The following PCDHA5 variants were observed in gnomAD, a reference collection of about 807,000 sequenced individuals.
The protein encoded by PCDHA5 is protocadherin alpha-5.
Under a neutral mutation model 61.6 loss-of-function variants are expected in PCDHA5, and 43 were observed. The observed-to-expected ratio is 0.70, with a 90% confidence interval of 0.55 to 0.90. The LOEUF (loss-of-function observed/expected upper bound fraction) is 0.90, where lower values mean the gene tolerates loss of function less well. Among genes scored for constraint, PCDHA5 ranks in the 40% least tolerant of loss-of-function variants. The pLI is 0.00. For missense variants in PCDHA5, 1,298 were observed against 1,222.7 expected (o/e 1.06, Z -0.92); for synonymous variants, 627 against 543.9 (o/e 1.15, Z -2.13).
intron 1 of PCDHA5, chr5:140,849,308 A>C (rs1224094157): frequency 7.7e-7 from 1 of 1,299,604 alleles, no homozygotes; most frequent in Admixed American, 2.3e-5. Flanking sequence ...ATTTAGACGA[A>C]GGCTTGAATG....
intron 1 of PCDHA5, among the ~76,000 whole-genome samples, chr5:140,976,583 G>A (rs1360171256): frequency 8.6e-5 from 13 of 151,966 alleles, no homozygotes; most frequent in African/African-American, 3.1e-4. Flanking sequence ...ATAAAACACA[G>A]ACTTTTGTGT....
chr5:140,925,397 C>T (rs2082477792), intron 1 of PCDHA5, among the ~76,000 whole-genome samples: 1 of 152,048 alleles, frequency 6.6e-6, no homozygotes, highest in African/African-American at 2.4e-5. Flanking sequence ...TTTGGCTCGC[C>T]TCCTTCTTAG....
chr5:140,824,633 A>G (rs12660016), intron 1 of PCDHA5: 1 of 102,008 alleles, frequency 9.8e-6, no homozygotes, highest in Non-Finnish European at 1.9e-5. Context: ...TTTTTTTTTT[A>G]TTTTCTGTAG....
Position 140,932,248 on chromosome 5 carries a change from T to C in PCDHA5, c.2353-46701T>C, listed in dbSNP as rs1424091954. Among the ~76,000 whole-genome samples the C allele has an allele frequency of 2.6e-5, 4 of 152,016 alleles. No individual in the cohort carries two copies. In the East Asian group the frequency reaches 7.7e-4, roughly 29 times the overall value. On this transcript the variant is annotated intron_variant, in intron 1 of 3. Coordinates refer to ENST00000529859, the MANE Select transcript of PCDHA5 (RefSeq NM_018908.3). ...TTTTTTAGAATGGTATCTAAGAGGG[T>C]ACCTCTGAGATATAAATTTCTACTT... is the stretch of plus-strand genomic sequence containing the variant.
At chr5:140,872,840 A>G (rs1297929350) in intron 1 of PCDHA5, among the ~76,000 whole-genome samples, 4 of 152,198 alleles carry the variant, frequency 2.6e-5, no homozygotes, top group African/African-American at 9.6e-5. Context: ...AAAAAATTAA[A>G]TATATTAATG....
intron 3 of PCDHA5, among the ~76,000 whole-genome samples, chr5:141,009,094 C>A (rs1350235475): frequency 6.6e-6 from 1 of 152,176 alleles, no homozygotes; most frequent in Non-Finnish European, 1.5e-5. Context: ...AAGAACCAAA[C>A]ATATGTTACT....
chr5:140,885,592 G>A (rs1428219345), intron 1 of PCDHA5, among the ~76,000 whole-genome samples: 1 of 152,102 alleles, frequency 6.6e-6, no homozygotes, highest in Non-Finnish European at 1.5e-5. Context: ...ATGCATCAAA[G>A]ATATTAATAA....
At chr5:140,976,586 T>C (rs1029704575) in intron 1 of PCDHA5, among the ~76,000 whole-genome samples, 2 of 151,988 alleles carry the variant, frequency 1.3e-5, no homozygotes, top group Non-Finnish European at 2.9e-5. Flanking sequence ...AAACACAGAC[T>C]TTTGTGTTAA....
chr5:140,927,601 G>C lies in PCDHA5; in HGVS notation c.2353-51348G>C, dbSNP rs1490799029. 27 of 1,614,082 alleles carry C rather than the reference G, an allele frequency of 1.7e-5. No individual in the cohort carries two copies. Among genetic ancestry groups the C allele is most frequent in the Non-Finnish European group, 2.3e-5 (27 of 1,180,040 alleles). Reference sequence around the variant, plus strand: ...CAACGCGCCTGTATTTGAGCGCTCCGTATACCGCACCAAGGTTCCAGAGAC... The same window carrying C: ...CAACGCGCCTGTATTTGAGCGCTCCCTATACCGCACCAAGGTTCCAGAGAC... On this transcript the variant is annotated intron_variant, in intron 1 of 3. Transcript: ENST00000529859.
At chr5:140,875,251 A>T in intron 1 of PCDHA5, 1 of 1,029,376 alleles carries the variant, frequency 9.7e-7, no homozygotes. Context: ...ATAATCAGTC[A>T]CATGATGTCG....
At chr5:140,929,481 A>G (rs1192778322) in intron 1 of PCDHA5, 4 of 1,195,836 alleles carry the variant, frequency 3.3e-6, no homozygotes, top group Non-Finnish European at 4.5e-6. Flanking sequence ...GGAAGTATAG[A>G]AGTATTAGAA....
At chr5:140,843,912 C>T in intron 1 of PCDHA5, 1 of 634,402 alleles carries the variant, frequency 1.6e-6, no homozygotes, top group East Asian at 2.9e-5. Flanking sequence ...CAAGTTGGGT[C>T]TATCTTGAAA....
rs2150123679 is a variant in PCDHA5 at position 140,823,222 on chromosome 5, G to A, written c.1447G>A (p.Ala483Thr). ...CACGGTGTCTGCACGGGACGCGGAC[G>A]CGCAGGAGAACGCCCTGGTGTCCTA... ...IFTVSARDAD[A>T]QENALVSYSL... Residue 483 changes from alanine to threonine, a missense_variant, in exon 1 of 4, where the codon GCG (alanine) becomes ACG (threonine). Physicochemically the swap from Ala to Thr is moderately conservative, Grantham distance 58. Coordinates refer to ENST00000529859, the MANE Select transcript of PCDHA5 (RefSeq NM_018908.3). The A allele has an allele frequency of 1.7e-4, 270 of 1,613,614 alleles. No homozygotes were observed. Among genetic ancestry groups the A allele is most frequent in the Non-Finnish European group, 2.1e-4 (251 of 1,179,816 alleles).
At chr5:140,999,933 A>T (rs1554257043) in intron 3 of PCDHA5, among the ~76,000 whole-genome samples, 1 of 152,124 alleles carries the variant, frequency 6.6e-6, no homozygotes, top group African/African-American at 2.4e-5. Context: ...AGCTCAACTC[A>T]TTCCACCCAA....
At chr5:140,966,962 G>T (rs370831122) in intron 1 of PCDHA5, 4 of 1,602,632 alleles carry the variant, frequency 2.5e-6, no homozygotes, top group Non-Finnish European at 3.4e-6. Context: ...TCGCGCGCTG[G>T]GGCTTGAGCT....
rs1554262627 is a variant in PCDHA5 at position 141,009,982 on chromosome 5, T to C, written c.*45T>C. On this transcript the variant is annotated 3_prime_UTR_variant, in exon 4 of 4. Transcript: ENST00000529859. ...GCCACTTAGCCAGTTTTTGTAATAA[T>C]GGCAAATCTCTCCCATGTAGCAATT... 1 of 1,582,572 alleles carries C rather than the reference T, an allele frequency of 6.3e-7. No homozygotes were observed. Among genetic ancestry groups the C allele is most frequent in the East Asian group, 2.2e-5 (1 of 44,666 alleles).
chr5:140,842,791 G>C (rs1554139385), intron 1 of PCDHA5: 1 of 1,594,368 alleles, frequency 6.3e-7, no homozygotes, highest in Non-Finnish European at 8.6e-7. Context: ...ACGCGCTGGT[G>C]TCCTACTCGC....
At chr5:140,836,224 T>A in intron 1 of PCDHA5, 1 of 1,613,758 alleles carries the variant, frequency 6.2e-7, no homozygotes, top group Non-Finnish European at 8.5e-7. Flanking sequence ...TTGCAACCGG[T>A]GGCGGCCGGT....
rs782058694 is a variant in PCDHA5 at position 140,883,215 on chromosome 5, A to G, written c.2352+59088A>G. On this transcript the variant is annotated intron_variant, in intron 1 of 3. Coordinates refer to ENST00000529859, the MANE Select transcript of PCDHA5 (RefSeq NM_018908.3). ...CTAGATTTCGAAGAAAAGAAATTAT[A>G]TGAAATATCCGTGGAGGCAGTTGAC... 2.5e-6 allele frequency: 4 copies of G among 1,613,954 alleles called. No individual in the cohort carries two copies. Among genetic ancestry groups the G allele is most frequent in the Non-Finnish European group, 3.4e-6 (4 of 1,180,034 alleles).
Sources: gnomAD v4.1 joint callset for allele counts (sites outside exome capture counted in the v4.1 genomes callset) on GRCh38, gnomAD v4.1.1 for gene constraint, MANE v1.5 for transcripts, NCBI Gene and HGNC (gene_info 2026-07-23, HGNC 2026-07-21) for gene names.